MCM6: variants seen among roughly 807,000 people sequenced by gnomAD.
MCM6 encodes the protein DNA replication licensing factor MCM6.
MCM6 carries 46 observed loss-of-function variants against 94.3 expected under a neutral mutation model. The observed-to-expected ratio is 0.49, with a 90% CI of 0.39 to 0.62. The LOEUF (loss-of-function observed/expected upper bound fraction) is 0.62. Ranked by LOEUF, MCM6 falls within the 20% of genes least tolerant of loss-of-function variation. MCM6 has a pLI of 0.00. For missense variants in MCM6, 865 were observed against 1,017.9 expected (o/e 0.85, Z 2.04); for synonymous variants, 335 against 351.9 (o/e 0.95, Z 0.54).
At chr2:135,848,538 G>A (rs1679710951) in intron 13 of MCM6, among the ~76,000 whole-genome samples, 1 of 152,094 alleles carries the variant, frequency 6.6e-6, no homozygotes, top group South Asian at 2.1e-4. Context: ...GTATGTACTT[G>A]TAGAAATATA....
chr2:135,850,637 A>T (rs1679763814), intron 13 of MCM6, among the ~76,000 whole-genome samples: 1 of 152,216 alleles, frequency 6.6e-6, no homozygotes, highest in South Asian at 2.1e-4. Flanking sequence ...GTGGGATAAA[A>T]GTAGTGATTG....
In MCM6 at chr2:135,851,414, G is replaced by C. The variant is rs1679778602; in HGVS notation, c.1905C>G (p.His635Gln). The stretch of plus-strand genomic sequence containing the variant: ...GTGACTCTGATACCTCATCACAGCA[G>C]TGCATCCGAGCCATAGCTTCAGAGA... ...IRLSEAMARM[H>Q]CCDEVQPKHV... The change falls in exon 13 of 17, where the codon CAC becomes CAG. Residue 635 changes from histidine (H) to glutamine (Q), a missense_variant. His to Gln is a conservative substitution (Grantham distance 24). Around this residue, in one of 3 missense-constraint regions of MCM6, gnomAD observed 308 missense variants for 324.5 expected, o/e 0.95. Transcript: ENST00000264156. 2 of 1,613,068 alleles carry C rather than the reference G, an allele frequency of 1.2e-6. No homozygotes were observed. Among genetic ancestry groups the C allele is most frequent in the Non-Finnish European group, 1.7e-6 (2 of 1,179,474 alleles).
chr2:135,869,697 A>T (rs1233709637), intron 3 of MCM6, among the ~76,000 whole-genome samples: 1 of 152,142 alleles, frequency 6.6e-6, no homozygotes, highest in African/African-American at 2.4e-5. Context: ...ATGCATTTAA[A>T]CCAACAAAAA....
chr2:135,870,501 A>G (rs1244237561), intron 2 of MCM6, 140 bp from the exon 3 acceptor site: 14 of 597,806 alleles, frequency 2.3e-5, no homozygotes, highest in Admixed American at 1.1e-4. Flanking sequence ...GGACACTTCT[A>G]TTATCTACTC....
intron 1 of MCM6, 27 bp downstream of exon 1, chr2:135,876,232 C>G (rs1357091332): frequency 1.3e-6 from 2 of 1,550,356 alleles, no homozygotes; most frequent in Non-Finnish European, 8.7e-7. Flanking sequence ...CGGAGGCGGG[C>G]GAGGCCCGGG....
At chr2:135,868,386 TGTCA>T (rs1434367842) in intron 4 of MCM6, among the ~76,000 whole-genome samples, 1 of 152,248 alleles carries the variant, frequency 6.6e-6, no homozygotes, top group East Asian at 1.9e-4. Flanking sequence ...AAATACATCT[TGTCA>T]GTCTTAAGGA....
intron 11 of MCM6, among the ~76,000 whole-genome samples, chr2:135,853,418 C>T (rs1349106292): frequency 1.3e-5 from 2 of 152,308 alleles, no homozygotes; most frequent in Non-Finnish European, 2.9e-5. Context: ...GCACTCCAGC[C>T]TGGGCAACAG....
chr2:135,859,106 C>T (rs1679941840), intron 9 of MCM6, among the ~76,000 whole-genome samples, 195 bp downstream of exon 9: 1 of 152,120 alleles, frequency 6.6e-6, no homozygotes, highest in Non-Finnish European at 1.5e-5. Context: ...GTTGGCCAGG[C>T]TGGTCTCGAA....
intron 15 of MCM6, among the ~76,000 whole-genome samples, chr2:135,845,203 C>T (rs558788222): frequency 6.6e-6 from 1 of 152,306 alleles, no homozygotes; most frequent in East Asian, 1.9e-4. Flanking sequence ...GTTCATCTTA[C>T]TAAGTGAACT....
At position 135,869,402 on chromosome 2, in the gene MCM6, G is replaced by C. The variant is rs78123983; in HGVS notation, c.366-542C>G. ...GGTGACAGAGCAAGACTCTGTCTCA[G>C]AAAAAAAAAAAAACAAAAACAGAAT... On this transcript the variant is annotated intron_variant, in intron 3 of 16. Transcript: ENST00000264156. Among the ~76,000 whole-genome samples the C allele has an allele frequency of 2.5e-4, 12 of 47,690 alleles. No homozygotes were observed. In the East Asian group the frequency reaches 6.5e-3, roughly 26 times the overall value. 31.3% of individuals were successfully genotyped at this position (47,690 alleles called of 152,430 possible).
At chr2:135,843,224 A>G (rs776989712) in intron 16 of MCM6, among the ~76,000 whole-genome samples, 4 of 152,220 alleles carry the variant, frequency 2.6e-5, no homozygotes, top group Non-Finnish European at 5.9e-5. Context: ...ACTCAACTGC[A>G]AACAGGGAAG....
In MCM6 at chr2:135,859,302, T is replaced by C. The variant is rs750956453; in HGVS notation, c.1361A>G (p.Asn454Ser). ...CTGAAGAGTGTAAAATGTTCTTACA[T>C]TATCAGCCAACATCAAAGCTCCAGC... Reference protein sequence around the residue: ...IEAGALMLADNGVCCIDEFDK... With the variant: ...IEAGALMLADSGVCCIDEFDK... Residue 454 changes from asparagine to serine, a missense_variant and splice_region_variant, in exon 9 of 17, where the codon AAT becomes AGT. Transcript: ENST00000264156. The C allele has an allele frequency of 1.2e-6, 2 of 1,612,452 alleles. No homozygotes were observed. Among genetic ancestry groups the C allele is most frequent in the South Asian group, 2.2e-5 (2 of 90,852 alleles).
At position 135,856,835 on chromosome 2, in the gene MCM6, T is replaced by C. The variant is rs373441782; in HGVS notation, c.1519A>G (p.Ser507Gly). 119 of 1,614,074 alleles carry C rather than the reference T, an allele frequency of 7.4e-5. No homozygotes were observed. Among genetic ancestry groups the C allele is most frequent in the Non-Finnish European group, 9.6e-5 (113 of 1,180,018 alleles). ...GATTTTGATCTGTCATAGTGTCCAC[T>C]GATTGGGTTTGCTGCTGCCAAAATG... ...TSILAAANPI[S>G]GHYDRSKSLK... The change falls in exon 11 of 17, where the codon AGT becomes GGT. Residue 507 changes from serine (S) to glycine (G), a missense_variant. Ser to Gly is a moderately conservative substitution (Grantham distance 56). Around this residue, in one of 3 missense-constraint regions of MCM6, gnomAD observed 153 missense variants for 241.5 expected, o/e 0.63. Transcript: ENST00000264156.
At position 135,866,014 on chromosome 2, in the gene MCM6, A is replaced by G. The variant is rs892925693; in HGVS notation, c.927+118T>C. 3.5e-6 allele frequency: 4 copies of G among 1,138,680 alleles called. No individual in the cohort carries two copies. In the African/African-American group the frequency reaches 6.3e-5, roughly 18 times the overall value. 70.5% of individuals were successfully genotyped at this position (1,138,680 alleles called of 1,614,324 possible). A position where few individuals can be genotyped will look rare whatever the true frequency, so the allele number is the denominator to read the frequency against. On this transcript the variant is annotated intron_variant, in intron 6 of 16. Coordinates refer to ENST00000264156, the MANE Select transcript of MCM6 (RefSeq NM_005915.6). ...CTACTCAGGAGGTTGAGATGGTAGGATCACTTGAGCCCAGAAAGTGGAGGC... is the reference window on the plus strand; with the variant it reads ...CTACTCAGGAGGTTGAGATGGTAGGGTCACTTGAGCCCAGAAAGTGGAGGC...
Position 135,866,295 on chromosome 2 carries a change from GTTGTTT to G in MCM6, c.782-24_782-19del. 6.2e-7 allele frequency: 1 copy of G among 1,612,460 alleles called. No homozygotes were observed. The highest frequency in any genetic ancestry group is 8.5e-7 in the Non-Finnish European group (1 of 1,179,110). On this transcript the variant is annotated intron_variant, in intron 5 of 16. Coordinates refer to ENST00000264156, the MANE Select transcript of MCM6 (RefSeq NM_005915.6). ...ACGTGCTCCTGAAACAGAATGATAG[GTTGTTT>G]CACAACTTAAATATTAAAGGTGCTG... is the stretch of plus-strand genomic sequence containing the variant.
rs1480372410 is a variant in MCM6 at position 135,866,639 on chromosome 2, T to C, written c.705A>G (p.Ser235=). ...AGTCACACTTGTCACCAGCTTGAGC[T>C]GATTCCACAGCTTCAGCCCTTAAAA... The part of the protein sequence containing the change: ...EVILRAEAVE[S]AQAGDKCDFT... The change falls in exon 5 of 17, where the codon TCA becomes TCG. Residue 235 remains serine, a synonymous_variant. Transcript: ENST00000264156. 1.2e-6 allele frequency: 2 copies of C among 1,614,212 alleles called. No homozygotes were observed. The highest frequency in any genetic ancestry group is 1.1e-5 in the South Asian group (1 of 91,080).
chr2:135,861,299 C>T lies in MCM6; in HGVS notation c.1220+1308G>A, dbSNP rs149805223. ...AATTTTAATATTCATGGCTCGGTGT[C>T]ACCTTTCACCTACAAGAAAGTGGGC... On this transcript the variant is annotated intron_variant, in intron 8 of 16. Transcript: ENST00000264156. 3.1e-3 allele frequency among the ~76,000 whole-genome samples: 469 copies of T among 152,000 alleles called. 4 individuals carry two copies. The highest frequency in any genetic ancestry group is 0.02 in the South Asian group (96 of 4,800).
Position 135,840,763 on chromosome 2 carries a change from G to T in MCM6, c.*72C>A. 1 of 1,012,760 alleles carries T rather than the reference G, an allele frequency of 9.9e-7. No individual in the cohort carries two copies. Among genetic ancestry groups the T allele is most frequent in the Non-Finnish European group, 1.6e-6 (1 of 638,032 alleles). The allele number at this position is 1,012,760 out of a possible 1,614,324, so 62.7% of individuals were successfully genotyped here. A position where few individuals can be genotyped will look rare whatever the true frequency, so the allele number is the denominator to read the frequency against. On this transcript the variant is annotated 3_prime_UTR_variant, in exon 17 of 17. Coordinates refer to ENST00000264156, the MANE Select transcript of MCM6 (RefSeq NM_005915.6). ...CAGAAACACTTCTGTCCCTAGCAGA[G>T]CTCCAGCCAGGCTCCAGGCCACGAG...
chr2:135,862,418 C>A (rs556485536), intron 8 of MCM6, among the ~76,000 whole-genome samples, 189 bp downstream of exon 8: 22 of 152,050 alleles, frequency 1.4e-4, no homozygotes, highest in Admixed American at 1.3e-3. Context: ...ATTGGTATTA[C>A]AGGCAATTTT....
Sources: gnomAD v4.1 joint callset for allele counts (sites outside exome capture counted in the v4.1 genomes callset) on GRCh38, gnomAD v4.1.1 for gene constraint, gnomAD v4.1.1 regional missense constraint, MANE v1.5 for transcripts, NCBI Gene and HGNC (gene_info 2026-07-23, HGNC 2026-07-21) for gene names.